The following ROBO2 variants were observed in gnomAD, a reference collection of about 807,000 sequenced individuals.
ROBO2 encodes roundabout homolog 2.
ROBO2 carries 53 observed loss-of-function variants against 160.8 expected under a neutral mutation model. The ratio of observed to expected loss-of-function variants is 0.33; its 90% CI spans 0.26 to 0.41. ROBO2 has a LOEUF of 0.41. ROBO2 is among the 10% of genes least tolerant of loss of function. ROBO2 has a pLI of 1.00. For missense variants in ROBO2, 1,577 were observed against 1,722.4 expected (o/e 0.92, Z 1.49); for synonymous variants, 664 against 611.7 (o/e 1.09, Z -1.26).
chr3:76,687,393 A>C (rs1240932464), intron 2 of ROBO2, among the ~76,000 whole-genome samples: 1 of 152,122 alleles, frequency 6.6e-6, no homozygotes, highest in Non-Finnish European at 1.5e-5. Flanking sequence ...CATTGTTCAT[A>C]TTCAATAAAT....
At chr3:76,728,811 T>C (rs924074800) in intron 2 of ROBO2, among the ~76,000 whole-genome samples, 8 of 152,234 alleles carry the variant, frequency 5.3e-5, no homozygotes, top group Non-Finnish European at 1.2e-4. Flanking sequence ...CTGCTAAAAA[T>C]GTGCCAGAGG....
At chr3:77,596,545 G>A (rs904654372) in intron 18 of ROBO2, 78 bp from the exon 20 acceptor site, 7 of 1,556,730 alleles carry the variant, frequency 4.5e-6, no homozygotes, top group Middle Eastern at 1.7e-4. Context: ...ATTTCTTAAC[G>A]CTTTATATTG....
At chr3:76,896,410 T>A (rs1018714582) in intron 2 of ROBO2, among the ~76,000 whole-genome samples, 3 of 152,154 alleles carry the variant, frequency 2.0e-5, no homozygotes, top group African/African-American at 7.2e-5. Context: ...ATTGGAGTTG[T>A]GAGGATGTAT....
At position 76,073,267 on chromosome 3, in the gene ROBO2, C is replaced by CTTTTTTTTTTTTTTTTT. The variant is rs869307615; in HGVS notation, c.109+135693_109+135709dup. ...TTGTAAACTTCTCAGAATGAGTATT[C>CTTTTTTTTTTTTTTTTT]TTTTTTTTTTTTTTTTTTTTTTTTT... On this transcript the variant is annotated intron_variant, in intron 2 of 26. Coordinates refer to the ROBO2 transcript ENST00000487694. Among the ~76,000 whole-genome samples, 5 of 57,402 alleles carry CTTTTTTTTTTTTTTTTT rather than the reference C, an allele frequency of 8.7e-5. 1 individual carries two copies. Among genetic ancestry groups the CTTTTTTTTTTTTTTTTT allele is most frequent in the Non-Finnish European group, 1.8e-4 (5 of 28,424 alleles). 37.7% of individuals were successfully genotyped at this position (57,402 alleles called of 152,430 possible). A position where few individuals can be genotyped will look rare whatever the true frequency, so the allele number is the denominator to read the frequency against.
At chr3:76,834,088 T>TTCTTTCTTTCTA (rs2067394427) in intron 2 of ROBO2, among the ~76,000 whole-genome samples, 1 of 146,694 alleles carries the variant, frequency 6.8e-6, no homozygotes, top group Non-Finnish European at 1.5e-5. Context: ...CTTTCTTTCT[T>TTCTTTCTTTCTA]TCTTTCTTTC....
intron 2 of ROBO2, among the ~76,000 whole-genome samples, chr3:76,544,439 T>C (rs1334038958): frequency 1.3e-5 from 2 of 152,078 alleles, no homozygotes; most frequent in Non-Finnish European, 2.9e-5. Flanking sequence ...ACTAGAGTTT[T>C]ATAGTATTAT....
chr3:76,357,218 T>C (rs1286345155), intron 2 of ROBO2, among the ~76,000 whole-genome samples: 1 of 151,968 alleles, frequency 6.6e-6, no homozygotes, highest in Non-Finnish European at 1.5e-5. Flanking sequence ...GAGGCCATTA[T>C]CCTGAGTGAA....
chr3:77,300,833 C>T (rs1242925790), intron 2 of ROBO2, among the ~76,000 whole-genome samples: 2 of 151,016 alleles, frequency 1.3e-5, no homozygotes, highest in African/African-American at 2.4e-5. Flanking sequence ...TAAACCTAAA[C>T]TGAAATAATA....
At chr3:76,279,936 T>A (rs774702008) in intron 2 of ROBO2, among the ~76,000 whole-genome samples, 3 of 151,976 alleles carry the variant, frequency 2.0e-5, no homozygotes, top group Non-Finnish European at 4.4e-5. Context: ...CAGGGCCTAG[T>A]CCCAGACCTT....
chr3:76,907,626 A>T (rs1170758741), intron 2 of ROBO2, among the ~76,000 whole-genome samples: 1 of 152,174 alleles, frequency 6.6e-6, no homozygotes, highest in Non-Finnish European at 1.5e-5. Context: ...AGATTCATTT[A>T]ACAATTTGAT....
chr3:76,118,585 G>A (rs897137608), intron 2 of ROBO2, among the ~76,000 whole-genome samples: 5 of 152,100 alleles, frequency 3.3e-5, no homozygotes, highest in South Asian at 4.1e-4. Context: ...CAGAACCTCC[G>A]TTATTATTGG....
chr3:77,006,988 T>C (rs1167877234), intron 2 of ROBO2, among the ~76,000 whole-genome samples: 1 of 152,106 alleles, frequency 6.6e-6, no homozygotes, highest in Admixed American at 6.6e-5. Context: ...GTTAAAACTT[T>C]AAAGCCATAG....
intron 2 of ROBO2, among the ~76,000 whole-genome samples, chr3:77,166,915 C>T (rs933511452): frequency 5.3e-5 from 8 of 152,262 alleles, no homozygotes; most frequent in Non-Finnish European, 8.8e-5. Context: ...ATGCCTCATA[C>T]ATATTTATGT....
chr3:76,191,963 A>C (rs1702025812), intron 2 of ROBO2, among the ~76,000 whole-genome samples: 1 of 151,958 alleles, frequency 6.6e-6, no homozygotes, highest in Admixed American at 6.6e-5. Context: ...CCAGTGCTCA[A>C]CTTACCTGTC....
chr3:77,448,362 G>C (rs1482554290), intron 2 of ROBO2, among the ~76,000 whole-genome samples: 1 of 152,084 alleles, frequency 6.6e-6, no homozygotes, highest in Non-Finnish European at 1.5e-5. Context: ...TGTAAACAAG[G>C]CCACCTTTGG....
intron 2 of ROBO2, among the ~76,000 whole-genome samples, chr3:76,754,976 T>C (rs1242156125): frequency 1.4e-4 from 21 of 151,912 alleles, no homozygotes; most frequent in Admixed American, 1.1e-3. Flanking sequence ...GTATTCACAT[T>C]AGATAAATTT....
At chr3:77,015,986 A>T (rs911360406) in intron 2 of ROBO2, among the ~76,000 whole-genome samples, 6 of 150,116 alleles carry the variant, frequency 4.0e-5, no homozygotes, top group South Asian at 2.1e-4. Flanking sequence ...TTTTATTTTT[A>T]TTTTTTTTGA....
At chr3:76,350,249 T>G (rs13316201) in intron 2 of ROBO2, among the ~76,000 whole-genome samples, 5 of 152,156 alleles carry the variant, frequency 3.3e-5, no homozygotes, top group African/African-American at 1.2e-4. Context: ...AGTACACTTA[T>G]GCAATAGGAG....
At chr3:77,218,569 T>C (rs1364937655) in intron 2 of ROBO2, among the ~76,000 whole-genome samples, 1 of 152,108 alleles carries the variant, frequency 6.6e-6, no homozygotes, top group African/African-American at 2.4e-5. Context: ...AGATGGGGTT[T>C]TACCATCTTG....
Sources: allele counts gnomAD v4.1 joint callset (sites outside exome capture counted in the v4.1 genomes callset), GRCh38; gene constraint gnomAD v4.1.1; transcripts MANE v1.5; gene names NCBI Gene and HGNC (gene_info 2026-07-23, HGNC 2026-07-21).